LARGE1: variants seen among roughly 807,000 people sequenced by gnomAD.
The protein encoded by LARGE1 is LARGE xylosyl- and glucuronyltransferase 1, also known as xylosyl- and glucuronyltransferase LARGE1.
LARGE1 carries 43 observed loss-of-function variants against 87.6 expected under a neutral mutation model. The observed-to-expected ratio is 0.49, with a 90% CI of 0.38 to 0.63. The LOEUF (loss-of-function observed/expected upper bound fraction) is 0.63. Among genes scored for constraint, LARGE1 ranks in the 30% least tolerant of loss-of-function variants. LARGE1 has a pLI of 0.00. For missense variants in LARGE1, 802 were observed against 1,000.2 expected (o/e 0.80, Z 2.67); for synonymous variants, 434 against 394.6 (o/e 1.10, Z -1.18).
intron 1 of LARGE1, among the ~76,000 whole-genome samples, chr22:33,886,274 G>A (rs746396290): frequency 1.2e-4 from 18 of 152,142 alleles, no homozygotes; most frequent in Non-Finnish European, 1.8e-4. Flanking sequence ...CCCTCCAGCC[G>A]TCCTACAGGA....
chr22:33,634,154 T>C (rs1218897800), intron 3 of LARGE1, among the ~76,000 whole-genome samples: 2 of 152,226 alleles, frequency 1.3e-5, no homozygotes. Flanking sequence ...GAGTCCTCCT[T>C]CTTTGACTTC....
chr22:33,685,736 C>T (rs1368072605), intron 2 of LARGE1, among the ~76,000 whole-genome samples: 1 of 152,230 alleles, frequency 6.6e-6, no homozygotes, highest in Non-Finnish European at 1.5e-5. Context: ...GCGCCCTCAT[C>T]TAAACAATGT....
intron 8 of LARGE1, among the ~76,000 whole-genome samples, chr22:33,383,088 G>C (rs1199641888): frequency 1.3e-5 from 2 of 152,098 alleles, no homozygotes; most frequent in Non-Finnish European, 2.9e-5. Context: ...TGGCTCTTTG[G>C]ATGAAAAGGA....
chr22:33,731,876 T>C (rs2083480666), intron 2 of LARGE1, among the ~76,000 whole-genome samples: 2 of 151,986 alleles, frequency 1.3e-5, no homozygotes, highest in Admixed American at 6.6e-5. Context: ...TATAAAGTCG[T>C]TTTAAAAACA....
intron 2 of LARGE1, among the ~76,000 whole-genome samples, chr22:33,716,294 G>A (rs982082217): frequency 6.6e-6 from 1 of 152,160 alleles, no homozygotes; most frequent in Non-Finnish European, 1.5e-5. Context: ...ATTGGCCATT[G>A]TTTATGTGAA....
rs1603025651 is a variant in LARGE1 at position 33,659,542 on chromosome 22, C to T, written c.107-8874G>A. On this transcript the variant is annotated intron_variant, in intron 2 of 14. Coordinates refer to ENST00000397394, the MANE Select transcript of LARGE1 (RefSeq NM_133642.5). Reference sequence around the variant, plus strand: ...GAGCCATTTTCTTAAGTTTCAAAAGCATGGAATCAGATTTGCTGTGGGAAG... The same window carrying T: ...GAGCCATTTTCTTAAGTTTCAAAAGTATGGAATCAGATTTGCTGTGGGAAG... Among the ~76,000 whole-genome samples, 5 of 152,136 alleles carry T rather than the reference C, an allele frequency of 3.3e-5. 1 individual carries two copies. The South Asian group carries it at 1.0e-3, about 32-fold the overall frequency.
intron 1 of LARGE1, among the ~76,000 whole-genome samples, chr22:33,882,073 C>T (rs536662442): frequency 2.1e-5 from 3 of 141,962 alleles, no homozygotes; most frequent in Non-Finnish European, 3.0e-5. Flanking sequence ...GACGGAGTCT[C>T]GCTCTGTCAC....
chr22:33,851,414 T>C (rs1012376236), intron 1 of LARGE1, among the ~76,000 whole-genome samples: 1 of 152,234 alleles, frequency 6.6e-6, no homozygotes, highest in Admixed American at 6.5e-5. Context: ...CTGCCTTCTG[T>C]CACATCCTGC....
At chr22:33,868,872 T>C (rs891506870) in intron 1 of LARGE1, among the ~76,000 whole-genome samples, 4 of 151,622 alleles carry the variant, frequency 2.6e-5, no homozygotes, top group Admixed American at 1.3e-4. Context: ...GGAAAGGGGG[T>C]TGCAAGGTAC....
Position 33,761,514 on chromosome 22 carries a change from T to C in LARGE1, c.-38A>G. On this transcript the variant is annotated 5_prime_UTR_variant, in exon 2 of 15. Coordinates refer to ENST00000397394, the MANE Select transcript of LARGE1 (RefSeq NM_133642.5). ...GGCAATCCCTAATCCCAGCGCCGTT[T>C]CTCTGTCCGGAGCATGAAGTCCTCG... 1 of 1,534,026 alleles carries C rather than the reference T, an allele frequency of 6.5e-7. No homozygotes were observed. The highest frequency in any genetic ancestry group is 9.0e-7 in the Non-Finnish European group (1 of 1,107,448).
chr22:33,746,038 A>T (rs1429379740), intron 2 of LARGE1, among the ~76,000 whole-genome samples: 1 of 152,216 alleles, frequency 6.6e-6, no homozygotes, highest in Admixed American at 6.5e-5. Context: ...CCTATTTTCA[A>T]ACTTCTCTGT....
intron 6 of LARGE1, among the ~76,000 whole-genome samples, chr22:33,541,933 C>A (rs146162803): frequency 6.6e-6 from 1 of 151,826 alleles, no homozygotes; most frequent in Non-Finnish European, 1.5e-5. Flanking sequence ...AAGGCTGAGG[C>A]GGGTGGATCA....
At chr22:33,506,528 C>A (rs1264320735) in intron 6 of LARGE1, among the ~76,000 whole-genome samples, 1 of 152,206 alleles carries the variant, frequency 6.6e-6, no homozygotes, top group Admixed American at 6.5e-5. Flanking sequence ...CACAGATGTT[C>A]TCTTTCTTAC....
chr22:33,668,911 C>A (rs1441807817), intron 2 of LARGE1, among the ~76,000 whole-genome samples: 1 of 152,204 alleles, frequency 6.6e-6, no homozygotes, highest in Non-Finnish European at 1.5e-5. Flanking sequence ...CAGATCCTCC[C>A]TCGCAATAAT....
chr22:33,704,828 A>G (rs983853806), intron 2 of LARGE1: 2 of 152,296 alleles, frequency 1.3e-5, no homozygotes, highest in African/African-American at 2.4e-5. Flanking sequence ...GTGGCCTCTA[A>G]GCAGCCCCGG....
chr22:33,481,359 T>C (rs538821797), intron 6 of LARGE1, among the ~76,000 whole-genome samples: 2 of 152,186 alleles, frequency 1.3e-5, no homozygotes, highest in East Asian at 3.9e-4. Flanking sequence ...AATGACTTAT[T>C]TGGGTTTACT....
chr22:33,713,102 A>G (rs1343273517), intron 2 of LARGE1, among the ~76,000 whole-genome samples: 2 of 152,020 alleles, frequency 1.3e-5, no homozygotes, highest in African/African-American at 2.4e-5. Flanking sequence ...TTTCATATCT[A>G]TTTTCTTATA....
intron 11 of LARGE1, among the ~76,000 whole-genome samples, chr22:33,311,909 G>A (rs894613834): frequency 3.7e-4 from 56 of 152,278 alleles, no homozygotes; most frequent in Admixed American, 3.5e-3. Context: ...AAGATGTTAA[G>A]TGACTTGCCC....
chr22:33,173,035 G>A (rs984288094), intron 11 of LARGE1, among the ~76,000 whole-genome samples: 1 of 152,106 alleles, frequency 6.6e-6, no homozygotes, highest in Non-Finnish European at 1.5e-5. Context: ...CTCGAGAAGA[G>A]CAACCCCAAG....
Sources: gnomAD v4.1 joint callset for allele counts (sites outside exome capture counted in the v4.1 genomes callset) on GRCh38, gnomAD v4.1.1 for gene constraint, MANE v1.5 for transcripts, NCBI Gene and HGNC (gene_info 2026-07-23, HGNC 2026-07-21) for gene names.